Variants in NUP160 observed in about 807,000 individuals in gnomAD.
NUP160 encodes nuclear pore complex protein Nup160.
A neutral mutation model predicts 196.9 loss-of-function variants in NUP160; 94 were observed. The ratio of observed to expected loss-of-function variants is 0.48; its 90% CI spans 0.40 to 0.57. The LOEUF is 0.57. Ranked by LOEUF, NUP160 falls within the 20% of genes least tolerant of loss-of-function variation. The pLI is 0.00. For synonymous variants in NUP160, 605 were observed against 619.7 expected (o/e 0.98, Z 0.35); for missense variants, 1,638 against 1,748.3 (o/e 0.94, Z 1.13).
At chr11:47,839,663 T>C in intron 4 of NUP160, 180 bp downstream of exon 4, 1 of 614,904 alleles carries the variant, frequency 1.6e-6, no homozygotes, top group Non-Finnish European at 2.9e-6. Context: ...CCAATATGCT[T>C]TATAGTTCCT....
At chr11:47,805,978 T>A (rs925930035) in intron 20 of NUP160, among the ~76,000 whole-genome samples, 175 bp downstream of exon 20, 3 of 152,014 alleles carry the variant, frequency 2.0e-5, no homozygotes, top group Admixed American at 2.0e-4. Flanking sequence ...CACGCCTGAC[T>A]AATTTTTGTA....
intron 31 of NUP160, 66 bp downstream of exon 31, chr11:47,788,116 C>T (rs2097665719): frequency 7.2e-7 from 1 of 1,389,318 alleles, no homozygotes; most frequent in Non-Finnish European, 1.0e-6. Flanking sequence ...ACGACTGTTT[C>T]ACACTGAGCA....
chr11:47,797,850 A>G, exon 27 of NUP160: 1 of 1,613,054 alleles, frequency 6.2e-7, no homozygotes, highest in Non-Finnish European at 8.5e-7. Flanking sequence ...CATAAGGTCC[A>G]CAGCTCTAGC....
intron 7 of NUP160, among the ~76,000 whole-genome samples, chr11:47,824,052 T>TACATAC (rs1555005054): frequency 2.1e-5 from 2 of 93,798 alleles, no homozygotes; most frequent in Non-Finnish European, 4.0e-5. Context: ...TATATATATA[T>TACATAC]ACACACACAC....
intron 23 of NUP160, among the ~76,000 whole-genome samples, chr11:47,800,140 G>A (rs993589046): frequency 6.5e-4 from 99 of 151,546 alleles, no homozygotes; most frequent in African/African-American, 2.2e-3. Context: ...TGTAATCCCA[G>A]CTACCTGGGA....
intron 17 of NUP160, among the ~76,000 whole-genome samples, chr11:47,808,953 T>C (rs2097679352): frequency 6.6e-6 from 1 of 151,860 alleles, no homozygotes; most frequent in Non-Finnish European, 1.5e-5. Flanking sequence ...TTACAAAAAT[T>C]AGCCAGGCAT....
Position 47,836,897 on chromosome 11 carries a change from C to T in NUP160, c.932G>A (p.Trp311Ter). The change falls in exon 6 of 36, where the codon TGG becomes TAG. Residue 311 changes from tryptophan (W) to a stop codon, truncating the protein, a stop_gained. Transcript: ENST00000378460. LOFTEE classifies it high-confidence loss of function. ...AAATGTAGCACTTACCTTGTAAGAC[C>T]ACATTCGTAGTTTATGATCCTGACA... 1.3e-6 allele frequency: 2 copies of T among 1,588,116 alleles called. No individual in the cohort carries two copies. Among genetic ancestry groups the T allele is most frequent in the Non-Finnish European group, 1.7e-6 (2 of 1,156,646 alleles).
intron 22 of NUP160, 136 bp from the exon 23 acceptor site, chr11:47,802,066 T>C: frequency 2.8e-6 from 2 of 707,786 alleles, no homozygotes; most frequent in Non-Finnish European, 4.6e-6. Context: ...GTATAGTTTC[T>C]GACACATATG....
chr11:47,841,857 T>G (rs1307753994), intron 2 of NUP160, among the ~76,000 whole-genome samples: 1 of 151,956 alleles, frequency 6.6e-6, no homozygotes, highest in Non-Finnish European at 1.5e-5. Context: ...CTGGCTAATT[T>G]TTGTATTTTT....
chr11:47,778,958 CCCT>C, exon 36 of NUP160: 1 of 612,614 alleles, frequency 1.6e-6, no homozygotes, highest in Non-Finnish European at 2.9e-6. Context: ...GACTCTTCCG[CCCT>C]CCTATCTTGT....
intron 29 of NUP160, among the ~76,000 whole-genome samples, chr11:47,789,201 C>T (rs1388756096): frequency 6.6e-6 from 1 of 152,102 alleles, no homozygotes; most frequent in African/African-American, 2.4e-5. Flanking sequence ...TCTACAGGGT[C>T]TTGCTATGTT....
intron 32 of NUP160, 51 bp from the exon 33 acceptor site, chr11:47,785,114 T>G: frequency 1.2e-5 from 11 of 955,000 alleles, no homozygotes; most frequent in South Asian, 4.3e-5. Flanking sequence ...AATAGCTATT[T>G]AGAGTACCAT....
chr11:47,800,527 G>A lies in NUP160; in HGVS notation c.2895+1284C>T, dbSNP rs528340733. On this transcript the variant is annotated intron_variant, in intron 23 of 35. Transcript: ENST00000378460. ...CCTGTCTCAGGCTCCTAAGTAGCTG[G>A]GATTACAGGCGCACACCACCACGCC... is the stretch of plus-strand genomic sequence containing the variant. Among the ~76,000 whole-genome samples the A allele has an allele frequency of 5.4e-3, 823 of 151,900 alleles. 4 individuals carry two copies. Among genetic ancestry groups the A allele is most frequent in the Middle Eastern group, 0.01 (3 of 292 alleles).
intron 7 of NUP160, chr11:47,827,186 A>G (rs1029756084): frequency 4.4e-6 from 2 of 454,334 alleles, no homozygotes; most frequent in Non-Finnish European, 8.8e-6. Flanking sequence ...ACATGGCGAA[A>G]CCCCGTCTCT....
chr11:47,789,355 TAAGA>T lies in NUP160; in HGVS notation c.3512-748_3512-745del, dbSNP rs2097666622. Among the ~76,000 whole-genome samples the T allele has an allele frequency of 2.0e-5, 3 of 152,146 alleles. No individual in the cohort carries two copies. The South Asian group carries it at 6.2e-4, about 32-fold the overall frequency. The stretch of plus-strand genomic sequence containing the variant: ...AAATACTGTCTGTCATCTCTATCAA[TAAGA>T]AAGAAATATGACCAAACTGTGAGAG... On this transcript the variant is annotated intron_variant, in intron 29 of 35. Coordinates refer to ENST00000378460, the Ensembl canonical transcript of NUP160.
chr11:47,837,651 AAC>A (rs779381242), intron 4 of NUP160, 28 bp from the exon 5 acceptor site: 19 of 1,583,046 alleles, frequency 1.2e-5, no homozygotes, highest in Non-Finnish European at 1.6e-5. Flanking sequence ...GCACCTCTTG[AAC>A]ACACTTAGAG....
exon 23 of NUP160, chr11:47,801,868 C>G: frequency 3.7e-6 from 6 of 1,613,906 alleles, no homozygotes; most frequent in Non-Finnish European, 5.1e-6. Context: ...CTGAGCGAAT[C>G]AAGCGATCCA....
intron 2 of NUP160, chr11:47,841,400 AC>A: frequency 2.2e-6 from 1 of 459,880 alleles, no homozygotes. Flanking sequence ...ATCCTGACCA[AC>A]CGCTCAGAAT....
chr11:47,792,893 G>A (rs772280535), exon 28 of NUP160: 2 of 1,614,096 alleles, frequency 1.2e-6, no homozygotes, highest in East Asian at 4.5e-5. Context: ...AGTCCCCGGA[G>A]AGTTCGAACT....
Sources: allele counts gnomAD v4.1 joint callset (sites outside exome capture counted in the v4.1 genomes callset), GRCh38; gene constraint gnomAD v4.1.1; transcripts MANE v1.5; gene names NCBI Gene and HGNC (gene_info 2026-07-23, HGNC 2026-07-21).